Variants in FNTB observed in about 807,000 individuals in gnomAD.
The protein encoded by FNTB is farnesyltransferase, CAAX box, subunit beta.
A neutral mutation model predicts 59.4 loss-of-function variants in FNTB; 27 were observed. The observed-to-expected ratio is 0.45, with a 90% CI of 0.34 to 0.63. The LOEUF (loss-of-function observed/expected upper bound fraction) is 0.63, where lower values mean the gene tolerates loss of function less well. Among genes scored for constraint, FNTB ranks in the 20% least tolerant of loss-of-function variants. The pLI is 0.02. For synonymous variants in FNTB, 230 were observed against 220.7 expected, an observed-to-expected ratio of 1.04 and a Z score of -0.37; for missense variants, 449 against 559.6, an observed-to-expected ratio of 0.80 and a Z score of 1.99.
At chr14:64,992,819 A>G (rs759852667) in intron 1 of FNTB, among the ~76,000 whole-genome samples, 23 of 149,900 alleles carry the variant, frequency 1.5e-4, no homozygotes, top group Non-Finnish European at 2.4e-4. Context: ...CAACTTAACC[A>G]CTTTATTACT....
rs149825432 is a variant in FNTB, at chr14:65,050,081, A to G, written c.956-3157A>G. On this transcript the variant is annotated intron_variant, in intron 9 of 11. Transcript: ENST00000246166. ...AAGGAGAAAATAGATGCAGCATATG[A>G]TGTAGACAAGGGGCAAGTATAAGAA... Among the ~76,000 whole-genome samples, 386 of 152,332 alleles carry G rather than the reference A, an allele frequency of 2.5e-3. 3 individuals carry two copies. Among genetic ancestry groups the G allele is most frequent in the African/African-American group, 8.8e-3 (367 of 41,570 alleles).
intron 7 of FNTB, among the ~76,000 whole-genome samples, chr14:65,038,666 C>T (rs955606659): frequency 1.2e-4 from 19 of 152,122 alleles, no homozygotes; most frequent in African/African-American, 4.6e-4. Context: ...TGCAGTGAGC[C>T]AAGATTGTGC....
chr14:64,987,422 T>C, intron 1 of FNTB: 1 of 402,090 alleles, frequency 2.5e-6, no homozygotes, highest in Admixed American at 3.6e-5. Context: ...CAGCCCACTC[T>C]GTTCTGCCAG....
Position 65,053,331 on chromosome 14 carries a change from T to C in FNTB, c.1049T>C (p.Leu350Pro). The C allele has an allele frequency of 6.9e-7, 1 of 1,445,780 alleles. No individual in the cohort carries two copies. Among genetic ancestry groups the C allele is most frequent in the Non-Finnish European group, 9.1e-7 (1 of 1,094,052 alleles). 89.6% of individuals were successfully genotyped at this position (1,445,780 alleles called of 1,614,324 possible). ...TGCTGCCAGTGCCCTGCGGGGGGGCTTCTGGATAAACCTGGCAAGTGAGTG... is the reference window on the plus strand; with the variant it reads ...TGCTGCCAGTGCCCTGCGGGGGGGCCTCTGGATAAACCTGGCAAGTGAGTG... ...LMCCQCPAGG[L>P]LDKPGKSRDF... Residue 350 changes from leucine (L) to proline (P), a missense_variant, in exon 10 of 12, where the codon CTT (leucine) becomes CCT (proline). Coordinates refer to ENST00000246166, the MANE Select transcript of FNTB (RefSeq NM_002028.4).
At chr14:64,989,124 T>G (rs1044551254) in intron 1 of FNTB, among the ~76,000 whole-genome samples, 1 of 152,082 alleles carries the variant, frequency 6.6e-6, no homozygotes, top group East Asian at 1.9e-4. Flanking sequence ...AAAGCTTCCA[T>G]TTACTGATAG....
Position 65,023,295 on chromosome 14 carries a change from G to A in FNTB, c.375-4158G>A, listed in dbSNP as rs1007013955. On this transcript the variant is annotated intron_variant, in intron 4 of 11. Coordinates refer to ENST00000246166, the MANE Select transcript of FNTB (RefSeq NM_002028.4). This position sits in a 1 kb window ranked among gnomAD's most constrained non-coding sequence, Gnocchi z 4.1. ...GCTGGCCTTGAACTCCTGAGCTCAA[G>A]TGATCCCCCTCACCTCAGCCAAAGT... is the stretch of plus-strand genomic sequence containing the variant. 6.6e-6 allele frequency among the ~76,000 whole-genome samples: 1 copy of A among 152,112 alleles called. No individual in the cohort carries two copies. The highest frequency in any genetic ancestry group is 2.4e-5 in the African/African-American group (1 of 41,416).
In FNTB at chr14:64,986,927, T is replaced by G; in HGVS notation, c.-27T>G. On this transcript the variant is annotated 5_prime_UTR_variant, in exon 1 of 12. Coordinates refer to ENST00000246166, the MANE Select transcript of FNTB (RefSeq NM_002028.4). Reference sequence around the variant, plus strand: ...GTTGTTGCTTAACGAAGCAGAGTCCTACACACTGTCTGCTGCTCTCCTGAT... The same window carrying G: ...GTTGTTGCTTAACGAAGCAGAGTCCGACACACTGTCTGCTGCTCTCCTGAT... 1 of 1,613,848 alleles carries G rather than the reference T, an allele frequency of 6.2e-7. No individual in the cohort carries two copies. Among genetic ancestry groups the G allele is most frequent in the Non-Finnish European group, 8.5e-7 (1 of 1,179,680 alleles).
At chr14:65,018,109 C>T (rs140834785) in intron 4 of FNTB, among the ~76,000 whole-genome samples, 276 of 152,130 alleles carry the variant, frequency 1.8e-3, no homozygotes, top group African/African-American at 6.2e-3. Flanking sequence ...TGGGAGGCCA[C>T]GGTCAGAGGA....
chr14:65,054,890 A>G lies in FNTB; in HGVS notation c.1182+201A>G, dbSNP rs1479609836. Among the ~76,000 whole-genome samples, 2 of 152,218 alleles carry G rather than the reference A, an allele frequency of 1.3e-5. No individual in the cohort carries two copies. The highest frequency in any genetic ancestry group is 2.9e-5 in the Non-Finnish European group (2 of 68,034). On this transcript the variant is annotated intron_variant, in intron 11 of 11. Coordinates refer to ENST00000246166, the MANE Select transcript of FNTB (RefSeq NM_002028.4). The surrounding 1 kb of genome is among the most constrained non-coding windows in gnomAD (Gnocchi z 4.4). ...CCTCTGGGCAAGCTCAGGGTTCCAGATGGGCGGTCTGATCTGTCAAAGAGC... is the reference window on the plus strand; with the variant it reads ...CCTCTGGGCAAGCTCAGGGTTCCAGGTGGGCGGTCTGATCTGTCAAAGAGC...
intron 1 of FNTB, among the ~76,000 whole-genome samples, chr14:65,000,556 C>G (rs1190712386): frequency 1.3e-5 from 2 of 151,996 alleles, no homozygotes; most frequent in African/African-American, 2.4e-5. Context: ...TGAGGTGGCT[C>G]ACGCCCGTAA....
chr14:65,021,578 A>G (rs1430506163), intron 4 of FNTB, among the ~76,000 whole-genome samples: 1 of 152,140 alleles, frequency 6.6e-6, no homozygotes, highest in Non-Finnish European at 1.5e-5. Context: ...TATCCTCTAC[A>G]GGACGGTCCC....
At chr14:65,003,146 A>T (rs1222348579) in intron 1 of FNTB, among the ~76,000 whole-genome samples, 1 of 152,140 alleles carries the variant, frequency 6.6e-6, no homozygotes, top group Non-Finnish European at 1.5e-5. Flanking sequence ...GAAAGATCTG[A>T]TTTCTTTTGT....
intron 1 of FNTB, among the ~76,000 whole-genome samples, chr14:64,987,925 T>G (rs544250398): frequency 6.6e-6 from 1 of 152,314 alleles, no homozygotes; most frequent in Non-Finnish European, 1.5e-5. Context: ...CATCTGTCCC[T>G]AGGAGAAGTG....
intron 4 of FNTB, among the ~76,000 whole-genome samples, chr14:65,018,082 C>T (rs2061813854): frequency 6.6e-6 from 1 of 152,054 alleles, no homozygotes; most frequent in Non-Finnish European, 1.5e-5. Context: ...ATGATCACAC[C>T]TGTAACCCCA....
chr14:65,024,099 C>G (rs1294552918), intron 4 of FNTB, among the ~76,000 whole-genome samples: 1 of 146,906 alleles, frequency 6.8e-6, no homozygotes, highest in Non-Finnish European at 1.5e-5. Context: ...GACACTCCAT[C>G]TCCTAAAAAA....
chr14:64,988,024 T>C (rs1888021086), intron 1 of FNTB, among the ~76,000 whole-genome samples: 1 of 152,214 alleles, frequency 6.6e-6, no homozygotes. Context: ...AGGCTTTACC[T>C]TGGAGAGACC....
chr14:65,040,249 ATATATATATGTATATATATG>A, intron 7 of FNTB, among the ~76,000 whole-genome samples: 1 of 146,738 alleles, frequency 6.8e-6, no homozygotes, highest in Admixed American at 7.1e-5. Context: ...GGTTATCACT[ATATATATATGTATATATATG>A]TATATATATG....
chr14:65,011,431 G>GA lies in FNTB; in HGVS notation c.210-865dup, dbSNP rs767329195. On this transcript the variant is annotated intron_variant, in intron 2 of 11. Coordinates refer to ENST00000246166, the MANE Select transcript of FNTB (RefSeq NM_002028.4). This position sits in a 1 kb window ranked among gnomAD's most constrained non-coding sequence, Gnocchi z 4.0. ...GTGACAGAGCGAGACTCCGTCTCAG[G>GA]AAAAAAAAAAAAAAAAAAAAAGACT... 0.17 allele frequency among the ~76,000 whole-genome samples: 13,494 copies of GA among 79,878 alleles called. 1,253 individuals carry two copies. Among genetic ancestry groups the GA allele is most frequent in the East Asian group, 0.3 (960 of 3,156 alleles). 52.4% of individuals were successfully genotyped at this position (79,878 alleles called of 152,430 possible).
intron 11 of FNTB, among the ~76,000 whole-genome samples, chr14:65,060,411 A>G (rs2062835208): frequency 6.8e-6 from 1 of 147,750 alleles, no homozygotes; most frequent in South Asian, 2.2e-4. Context: ...CAACATGGTG[A>G]AACCCTGTCT....
Sources: gnomAD v4.1 joint callset for allele counts (sites outside exome capture counted in the v4.1 genomes callset) on GRCh38, gnomAD v4.1.1 for gene constraint, Gnocchi (gnomAD v3.1) non-coding constraint, MANE v1.5 for transcripts, NCBI Gene and HGNC (gene_info 2026-07-23, HGNC 2026-07-21) for gene names.